NEGR1: variants seen among roughly 807,000 people sequenced by gnomAD.
NEGR1 encodes the protein neuronal growth regulator 1.
NEGR1 carries 10 observed loss-of-function variants against 40.9 expected under a neutral mutation model. That is an observed-to-expected ratio of 0.24 (90% CI 0.15 to 0.42). NEGR1 has a LOEUF of 0.42. Among genes scored for constraint, NEGR1 ranks in the 10% least tolerant of loss-of-function variants. The probability of loss-of-function intolerance (pLI) is 1.00; values close to 1 mark genes in which losing one functional copy is unlikely to be tolerated. For synonymous variants in NEGR1, 185 were observed against 166.8 expected, an observed-to-expected ratio of 1.11 and a Z score of -0.84; for missense variants, 352 against 438.9, an observed-to-expected ratio of 0.80 and a Z score of 1.77.
At chr1:72,178,587 A>G (rs1652254628) in intron 1 of NEGR1, among the ~76,000 whole-genome samples, 1 of 151,716 alleles carries the variant, frequency 6.6e-6, no homozygotes, top group Admixed American at 6.6e-5. Flanking sequence ...GGTTAGGAGA[A>G]TCCCTAGCTC....
intron 2 of NEGR1, among the ~76,000 whole-genome samples, chr1:71,872,590 C>T (rs1002864736): frequency 4.6e-5 from 7 of 152,238 alleles, no homozygotes; most frequent in East Asian, 1.9e-4. Flanking sequence ...ATGAGCAAAG[C>T]GCCTCTATTC....
At chr1:72,215,654 A>C (rs1388956915) in intron 1 of NEGR1, among the ~76,000 whole-genome samples, 1 of 152,162 alleles carries the variant, frequency 6.6e-6, no homozygotes, top group Non-Finnish European at 1.5e-5. Flanking sequence ...CAAAACCACA[A>C]TGAGATACCA....
chr1:72,049,792 A>G (rs933618205), intron 1 of NEGR1, among the ~76,000 whole-genome samples: 5 of 151,594 alleles, frequency 3.3e-5, no homozygotes, highest in African/African-American at 1.2e-4. Context: ...GGGCATTAAT[A>G]AAAGCTAAAT....
At chr1:71,825,264 T>C (rs1658578364) in intron 2 of NEGR1, among the ~76,000 whole-genome samples, 1 of 151,986 alleles carries the variant, frequency 6.6e-6, no homozygotes, top group Non-Finnish European at 1.5e-5. Flanking sequence ...TTTTCATATG[T>C]AAATCACAAA....
chr1:72,210,726 T>G (rs1653572850), intron 1 of NEGR1, among the ~76,000 whole-genome samples: 1 of 151,906 alleles, frequency 6.6e-6, no homozygotes, highest in Non-Finnish European at 1.5e-5. Context: ...TTAATGGAGT[T>G]GTGGAATATT....
At chr1:71,702,433 C>G (rs951637256) in intron 3 of NEGR1, among the ~76,000 whole-genome samples, 1 of 151,836 alleles carries the variant, frequency 6.6e-6, no homozygotes, top group Non-Finnish European at 1.5e-5. Flanking sequence ...TATGCCAGAA[C>G]AGTAATTTCA....
chr1:71,989,016 C>T (rs1431968622), intron 1 of NEGR1, among the ~76,000 whole-genome samples: 1 of 142,952 alleles, frequency 7.0e-6, no homozygotes, highest in African/African-American at 2.6e-5. Flanking sequence ...AATGTTATTA[C>T]AAAGTTGTTT....
At chr1:71,515,779 C>G (rs1323064034) in intron 6 of NEGR1, among the ~76,000 whole-genome samples, 1 of 134,272 alleles carries the variant, frequency 7.4e-6, no homozygotes, top group Non-Finnish European at 1.6e-5. Flanking sequence ...CACAGACTGG[C>G]AAATTGGATA....
intron 3 of NEGR1, among the ~76,000 whole-genome samples, chr1:71,740,332 T>C (rs1364084958): frequency 6.6e-6 from 1 of 152,196 alleles, no homozygotes; most frequent in African/African-American, 2.4e-5. Flanking sequence ...TGCATTATTC[T>C]TTAGGTTTGC....
intron 1 of NEGR1, among the ~76,000 whole-genome samples, chr1:72,244,485 A>G (rs76766584): frequency 0.022 from 3,415 of 152,086 alleles, 143 homozygotes; most frequent in African/African-American, 0.078. Flanking sequence ...AAACATGTAT[A>G]TATGTATGTA....
intron 6 of NEGR1, among the ~76,000 whole-genome samples, chr1:71,534,206 G>A (rs1647442907): frequency 6.6e-6 from 1 of 151,582 alleles, no homozygotes; most frequent in Admixed American, 6.6e-5. Context: ...TGGAACTCTT[G>A]GTTTTTCTCT....
At chr1:72,282,190 TGGG>T in intron 1 of NEGR1, 126 bp downstream of exon 1, 1 of 1,101,204 alleles carries the variant, frequency 9.1e-7, no homozygotes. Flanking sequence ...CTGGAATTCT[TGGG>T]ATGTGGTCTT....
At chr1:71,721,014 G>T (rs984292155) in intron 3 of NEGR1, among the ~76,000 whole-genome samples, 2 of 152,132 alleles carry the variant, frequency 1.3e-5, no homozygotes, top group East Asian at 1.9e-4. Flanking sequence ...TTAGAGAAAA[G>T]TGTTAATTTA....
At chr1:72,164,924 GT>G (rs1395824581) in intron 1 of NEGR1, among the ~76,000 whole-genome samples, 1 of 152,004 alleles carries the variant, frequency 6.6e-6, no homozygotes, top group African/African-American at 2.4e-5. Flanking sequence ...CAAATCAAAT[GT>G]TTGCTTTCAA....
intron 6 of NEGR1, among the ~76,000 whole-genome samples, chr1:71,493,244 G>A (rs373041641): frequency 2.5e-4 from 38 of 152,078 alleles, no homozygotes; most frequent in African/African-American, 8.7e-4. Context: ...GTACTTCAAA[G>A]ACCCACCGAA....
intron 1 of NEGR1, among the ~76,000 whole-genome samples, chr1:71,964,314 G>C: frequency 6.6e-6 from 1 of 152,176 alleles, no homozygotes; most frequent in Non-Finnish European, 1.5e-5. Flanking sequence ...TTGAAATGAC[G>C]AGGCAGGAAT....
intron 6 of NEGR1, among the ~76,000 whole-genome samples, chr1:71,576,114 T>TC (rs1648958012): frequency 1.3e-5 from 2 of 152,124 alleles, no homozygotes; most frequent in Non-Finnish European, 2.9e-5. Context: ...GACAAAGAAC[T>TC]TGAGAGTTCT....
At chr1:72,166,239 G>A (rs1169862362) in intron 1 of NEGR1, among the ~76,000 whole-genome samples, 3 of 151,802 alleles carry the variant, frequency 2.0e-5, no homozygotes, top group African/African-American at 2.4e-5. Context: ...AAAAAATATC[G>A]CCTCATACCT....
chr1:71,912,238 T>G (rs1661438583), intron 2 of NEGR1, among the ~76,000 whole-genome samples: 1 of 152,196 alleles, frequency 6.6e-6, no homozygotes, highest in African/African-American at 2.4e-5. Context: ...CTTTTCCAGC[T>G]TTTAAAGACT....
Sources: gnomAD v4.1 joint callset for allele counts (sites outside exome capture counted in the v4.1 genomes callset) on GRCh38, gnomAD v4.1.1 for gene constraint, MANE v1.5 for transcripts, NCBI Gene and HGNC (gene_info 2026-07-23, HGNC 2026-07-21) for gene names.